DLG2: variants seen among roughly 807,000 people sequenced by gnomAD.
DLG2 encodes the protein discs large MAGUK scaffold protein 2, also known as disks large homolog 2.
DLG2 carries 45 observed loss-of-function variants against 132.5 expected under a neutral mutation model. The ratio of observed to expected loss-of-function variants is 0.34; its 90% confidence interval spans 0.27 to 0.44. The LOEUF is 0.44. Ranked by LOEUF, DLG2 falls within the 20% of genes least tolerant of loss-of-function variation. DLG2 has a pLI of 1.00. For missense variants in DLG2, 1,045 were observed against 1,196.9 expected (o/e 0.87, Z 1.87); for synonymous variants, 424 against 419.6 (o/e 1.01, Z -0.13).
chr11:83,779,383 A>G (rs931882018), intron 18 of DLG2, among the ~76,000 whole-genome samples: 3 of 152,240 alleles, frequency 2.0e-5, no homozygotes, highest in African/African-American at 4.8e-5. Flanking sequence ...TGTCATGTAT[A>G]CATCATTCAG....
intron 3 of DLG2, among the ~76,000 whole-genome samples, chr11:85,325,562 C>T (rs2152833319): frequency 7.8e-6 from 1 of 128,822 alleles, no homozygotes; most frequent in Non-Finnish European, 1.7e-5. Flanking sequence ...GCTGAGGGTC[C>T]TGTCTGTTAG....
intron 4 of DLG2, among the ~76,000 whole-genome samples, chr11:85,244,414 A>C (rs1328285763): frequency 6.6e-6 from 1 of 152,012 alleles, no homozygotes; most frequent in African/African-American, 2.4e-5. Flanking sequence ...TCCACCAATG[A>C]TATACGAGGG....
At chr11:85,075,021 G>A (rs2066343243) in intron 6 of DLG2, among the ~76,000 whole-genome samples, 1 of 151,822 alleles carries the variant, frequency 6.6e-6, no homozygotes, top group South Asian at 2.1e-4. Flanking sequence ...ATCTAAGGAA[G>A]AGAAAATAGC....
intron 6 of DLG2, among the ~76,000 whole-genome samples, chr11:84,711,643 T>C (rs1040059941): frequency 1.3e-5 from 2 of 151,936 alleles, no homozygotes; most frequent in Admixed American, 1.3e-4. Flanking sequence ...CCAGTAAAGA[T>C]CAATGCATCA....
chr11:85,135,399 T>A (rs562822340), intron 5 of DLG2, among the ~76,000 whole-genome samples: 32 of 152,146 alleles, frequency 2.1e-4, no homozygotes, highest in Non-Finnish European at 4.0e-4. Context: ...AGGAAGTAAA[T>A]AAATTGGATA....
intron 18 of DLG2, among the ~76,000 whole-genome samples, chr11:83,675,249 CAG>C (rs1375963079): frequency 6.6e-6 from 1 of 152,202 alleles, no homozygotes; most frequent in Non-Finnish European, 1.5e-5. Context: ...ATCCAGAAAT[CAG>C]AGTGAAGTCT....
intron 3 of DLG2, among the ~76,000 whole-genome samples, chr11:85,575,061 T>G (rs1016189083): frequency 6.6e-6 from 1 of 151,948 alleles, no homozygotes; most frequent in African/African-American, 2.4e-5. Context: ...CTCAGTCAAT[T>G]CTAAATATAT....
chr11:83,596,875 C>T (rs925322776), intron 19 of DLG2, among the ~76,000 whole-genome samples: 2 of 152,152 alleles, frequency 1.3e-5, no homozygotes, highest in Non-Finnish European at 2.9e-5. Flanking sequence ...TATGAAAATA[C>T]ATTCTGAGAA....
intron 3 of DLG2, among the ~76,000 whole-genome samples, chr11:85,450,664 C>T (rs2092206124): frequency 6.6e-6 from 1 of 152,178 alleles, no homozygotes. Context: ...GTTCACTCTT[C>T]AACCAACCCC....
chr11:84,978,512 C>T (rs566140803), intron 6 of DLG2, among the ~76,000 whole-genome samples: 2 of 151,282 alleles, frequency 1.3e-5, no homozygotes, highest in East Asian at 2.0e-4. Context: ...CACAACAGAG[C>T]CCTCTACAAC....
intron 8 of DLG2, among the ~76,000 whole-genome samples, chr11:84,213,543 G>A (rs987278406): frequency 4.9e-4 from 75 of 152,158 alleles, no homozygotes; most frequent in African/African-American, 1.7e-3. Flanking sequence ...TAAGAGGCCA[G>A]GCGCGGTGGC....
intron 5 of DLG2, among the ~76,000 whole-genome samples, chr11:85,127,260 C>T (rs2075236210): frequency 8.2e-6 from 1 of 121,500 alleles, no homozygotes; most frequent in South Asian, 3.4e-4. Context: ...CCCACTCTCT[C>T]TTTCTATCTC....
At chr11:85,177,285 A>G (rs2079345637) in intron 4 of DLG2, among the ~76,000 whole-genome samples, 1 of 136,364 alleles carries the variant, frequency 7.3e-6, no homozygotes, top group Admixed American at 7.5e-5. Context: ...ATATATACAT[A>G]TACACACACA....
chr11:83,863,569 T>C (rs1040230696), intron 16 of DLG2, among the ~76,000 whole-genome samples: 4 of 152,030 alleles, frequency 2.6e-5, no homozygotes, highest in South Asian at 2.1e-4. Context: ...AGATGGGATA[T>C]AGGAAGAGAG....
intron 3 of DLG2, among the ~76,000 whole-genome samples, chr11:85,584,324 TGAG>T (rs1268431022): frequency 1.3e-5 from 2 of 149,790 alleles, no homozygotes; most frequent in African/African-American, 2.5e-5. Flanking sequence ...CTTTTATGGC[TGAG>T]TAGTATTCCA....
intron 6 of DLG2, among the ~76,000 whole-genome samples, chr11:84,999,539 C>T (rs951725647): frequency 6.6e-6 from 1 of 151,976 alleles, no homozygotes; most frequent in Non-Finnish European, 1.5e-5. Flanking sequence ...TTATTCCTAC[C>T]AAATGATAAG....
chr11:85,109,513 A>C (rs1181931811), intron 6 of DLG2, among the ~76,000 whole-genome samples: 1 of 152,100 alleles, frequency 6.6e-6, no homozygotes, highest in Non-Finnish European at 1.5e-5. Context: ...GTTCAACTCC[A>C]AGGGAATAAT....
At chr11:84,149,154 C>A (rs1598072) in intron 9 of DLG2, among the ~76,000 whole-genome samples, 363 of 152,230 alleles carry the variant, frequency 2.4e-3, no homozygotes, top group African/African-American at 8.2e-3. Context: ...AGATTTTTCT[C>A]CCATTCTGTA....
chr11:84,204,546 C>T, intron 8 of DLG2, among the ~76,000 whole-genome samples: 1 of 151,736 alleles, frequency 6.6e-6, no homozygotes. Flanking sequence ...AACAAAAAAA[C>T]AGAAGAAACA....
Sources: gnomAD v4.1 joint callset for allele counts (sites outside exome capture counted in the v4.1 genomes callset) on GRCh38, gnomAD v4.1.1 for gene constraint, MANE v1.5 for transcripts, NCBI Gene and HGNC (gene_info 2026-07-23, HGNC 2026-07-21) for gene names.